The following MYO16 variants were observed in gnomAD, a reference collection of about 807,000 sequenced individuals.
The protein encoded by MYO16 is myosin XVI.
A neutral mutation model predicts 205.3 loss-of-function variants in MYO16; 94 were observed. The observed-to-expected ratio is 0.46, with a 90% CI of 0.39 to 0.54. The LOEUF (loss-of-function observed/expected upper bound fraction) is 0.54, where lower values mean the gene tolerates loss of function less well. Among genes scored for constraint, MYO16 ranks in the 20% least tolerant of loss-of-function variants. The pLI, the probability that MYO16 is intolerant of heterozygous loss-of-function variation, is 0.00. For missense variants in MYO16, 2,315 were observed against 2,387.5 expected, an observed-to-expected ratio of 0.97 and a Z score of 0.63; for synonymous variants, 988 against 954.0, an observed-to-expected ratio of 1.04 and a Z score of -0.66.
the MYO16 span, among the ~76,000 whole-genome samples, chr13:108,587,747 G>A: frequency 6.6e-6 from 1 of 151,916 alleles, no homozygotes; most frequent in Non-Finnish European, 1.5e-5. Flanking sequence ...CTCAAGAAGG[G>A]GAATGACCGC....
At chr13:109,144,477 G>A (rs61659252) in intron 32 of MYO16, among the ~76,000 whole-genome samples, 8,785 of 152,298 alleles carry the variant, frequency 0.058, 306 homozygotes, top group Non-Finnish European at 0.068. Flanking sequence ...ACTGGGGCTG[G>A]TTATATGACT....
intron 10 of MYO16, among the ~76,000 whole-genome samples, chr13:108,852,268 T>C (rs184863116): frequency 6.6e-6 from 1 of 152,196 alleles, no homozygotes; most frequent in Non-Finnish European, 1.5e-5. Flanking sequence ...ATTCCTTTTT[T>C]CCTCTTTGTG....
At chr13:108,510,473 T>G in the MYO16 span, among the ~76,000 whole-genome samples, 2 of 131,240 alleles carry the variant, frequency 1.5e-5, no homozygotes, top group African/African-American at 2.9e-5. Flanking sequence ...TTTTTTTTTT[T>G]TTTTTTTTTT....
At chr13:108,986,646 A>AG (rs1404468042) in intron 20 of MYO16, among the ~76,000 whole-genome samples, 1 of 140,944 alleles carries the variant, frequency 7.1e-6, no homozygotes, top group African/African-American at 2.6e-5. Flanking sequence ...AAAAAAAAAA[A>AG]GATAGTATTC....
intron 9 of MYO16, among the ~76,000 whole-genome samples, chr13:108,837,163 G>A (rs139243694): frequency 2.5e-3 from 377 of 152,268 alleles, no homozygotes; most frequent in Non-Finnish European, 4.0e-3. Flanking sequence ...CTGTTCTCAT[G>A]ATAGTGAGTG....
At chr13:108,698,176 G>A (rs1883162076) in intron 2 of MYO16, among the ~76,000 whole-genome samples, 1 of 152,054 alleles carries the variant, frequency 6.6e-6, no homozygotes, top group South Asian at 2.1e-4. Flanking sequence ...TTTCCAGCTG[G>A]AGAATCCATC....
Position 109,140,465 on chromosome 13 carries a change from TGCCCCCGGCGGC to T in MYO16, c.4257_4268del (p.Ala1421_Pro1424del). ...ACCCCCGGGACTCCGCAGTGCGCGC[TGCCCCCGGCGGC>T]GCCTCCGGGTGACGAGGACGACAGC... is the stretch of plus-strand genomic sequence containing the variant. On this transcript the variant is annotated inframe_deletion, in exon 32 of 35. Coordinates refer to ENST00000457511, the MANE Select transcript of MYO16 (RefSeq NM_001198950.3). This position sits in a 1 kb window ranked among gnomAD's most constrained non-coding sequence, Gnocchi z 8.0. 2 of 1,536,510 alleles carry T rather than the reference TGCCCCCGGCGGC, an allele frequency of 1.3e-6. No homozygotes were observed. The highest frequency in any genetic ancestry group is 1.7e-6 in the Non-Finnish European group (2 of 1,150,030).
At chr13:108,836,760 T>C (rs1175150955) in intron 9 of MYO16, among the ~76,000 whole-genome samples, 2 of 152,192 alleles carry the variant, frequency 1.3e-5, no homozygotes, top group Non-Finnish European at 2.9e-5. Context: ...TGGACTTGCA[T>C]GGGGCCTGTA....
At chr13:109,033,942 A>G (rs920572276) in intron 23 of MYO16, among the ~76,000 whole-genome samples, 7 of 152,112 alleles carry the variant, frequency 4.6e-5, no homozygotes, top group African/African-American at 1.7e-4. Context: ...CTGCCTTGTC[A>G]TTTTCTGCAG....
chr13:108,964,576 C>T (rs569921630), intron 19 of MYO16, among the ~76,000 whole-genome samples, 185 bp from the exon 20 acceptor site: 1 of 152,304 alleles, frequency 6.6e-6, no homozygotes, highest in African/African-American at 2.4e-5. Context: ...ATGTACATGA[C>T]TTCTGCTTTA....
chr13:108,928,606 G>A (rs1025409046), intron 16 of MYO16, among the ~76,000 whole-genome samples: 2 of 152,142 alleles, frequency 1.3e-5, no homozygotes, highest in Admixed American at 1.3e-4. Context: ...AGAAAAGAAT[G>A]GAGTCGTTTG....
chr13:108,919,960 T>C (rs1881667221), intron 16 of MYO16, among the ~76,000 whole-genome samples: 1 of 152,246 alleles, frequency 6.6e-6, no homozygotes, highest in Non-Finnish European at 1.5e-5. Flanking sequence ...TCTCCCCAAA[T>C]TAAAATATTT....
chr13:108,848,289 C>G (rs995448710), intron 10 of MYO16, among the ~76,000 whole-genome samples: 2 of 152,156 alleles, frequency 1.3e-5, no homozygotes, highest in African/African-American at 4.8e-5. Flanking sequence ...TCAACATATC[C>G]ACAGGACTTT....
At chr13:108,694,626 T>C (rs1883020796) in intron 2 of MYO16, among the ~76,000 whole-genome samples, 1 of 152,206 alleles carries the variant, frequency 6.6e-6, no homozygotes, top group African/African-American at 2.4e-5. Context: ...CTCTATCAAA[T>C]ATATGCTTTG....
At chr13:108,785,359 CTA>C in intron 4 of MYO16, among the ~76,000 whole-genome samples, 1 of 152,258 alleles carries the variant, frequency 6.6e-6, no homozygotes, top group South Asian at 2.1e-4. Context: ...CAGCCACACA[CTA>C]GAGATGCTGG....
chr13:108,777,626 A>G (rs921079987), intron 4 of MYO16, among the ~76,000 whole-genome samples: 9 of 152,178 alleles, frequency 5.9e-5, no homozygotes, highest in Admixed American at 4.6e-4. Context: ...GGCAAGAACA[A>G]GAAGGAACAT....
intron 1 of MYO16, chr13:108,659,469 G>A: frequency 3.4e-6 from 1 of 294,066 alleles, no homozygotes; most frequent in South Asian, 2.9e-5. Context: ...CTTTTATCTG[G>A]AATTGCAGGA....
At chr13:108,864,083 TG>T (rs1235226932) in intron 11 of MYO16, among the ~76,000 whole-genome samples, 1 of 152,204 alleles carries the variant, frequency 6.6e-6, no homozygotes, top group African/African-American at 2.4e-5. Context: ...TGAGTTTTGC[TG>T]GGGTAAATTG....
chr13:109,159,090 T>C (rs1878230585), intron 32 of MYO16, among the ~76,000 whole-genome samples: 1 of 152,258 alleles, frequency 6.6e-6, no homozygotes, highest in African/African-American at 2.4e-5. Context: ...GGACCTTGTG[T>C]CTTTGAATTC....
Sources: gnomAD v4.1 joint callset for allele counts (sites outside exome capture counted in the v4.1 genomes callset) on GRCh38, gnomAD v4.1.1 for gene constraint, Gnocchi (gnomAD v3.1) non-coding constraint, MANE v1.5 for transcripts, NCBI Gene and HGNC (gene_info 2026-07-23, HGNC 2026-07-21) for gene names.